The following SMOC2 variants were observed in gnomAD, a reference collection of about 807,000 sequenced individuals.
SMOC2 encodes SPARC-related modular calcium-binding protein 2.
In SMOC2, 39 loss-of-function variants were observed where a neutral mutation model predicts 61.4. The observed-to-expected ratio is 0.64, with a 90% CI of 0.49 to 0.83. The LOEUF (loss-of-function observed/expected upper bound fraction) is 0.83, where lower values mean the gene tolerates loss of function less well. Ranked by LOEUF, SMOC2 falls within the 40% of genes least tolerant of loss-of-function variation. The probability of loss-of-function intolerance (pLI) is 0.00; values close to 1 mark genes in which losing one functional copy is unlikely to be tolerated. For missense variants in SMOC2, 556 were observed against 592.9 expected (o/e 0.94, Z 0.65); for synonymous variants, 247 against 239.9 (o/e 1.03, Z -0.27).
intron 1 of SMOC2, among the ~76,000 whole-genome samples, chr6:168,469,660 C>A (rs1781926304): frequency 6.6e-6 from 1 of 152,198 alleles, no homozygotes; most frequent in East Asian, 1.9e-4. Context: ...CTGCTCGGAG[C>A]CGATGACATT....
intron 7 of SMOC2, among the ~76,000 whole-genome samples, chr6:168,566,953 G>A (rs1030271911): frequency 6.6e-6 from 1 of 152,132 alleles, no homozygotes; most frequent in South Asian, 2.1e-4. Flanking sequence ...TAGGAGACAG[G>A]CCCGCTATCC....
At chr6:168,468,200 C>T (rs1185078055) in intron 1 of SMOC2, among the ~76,000 whole-genome samples, 2 of 152,168 alleles carry the variant, frequency 1.3e-5, no homozygotes, top group Non-Finnish European at 2.9e-5. Flanking sequence ...CTGCTGTGCA[C>T]ACATGGATTT....
chr6:168,585,692 T>C (rs558321028), intron 7 of SMOC2, among the ~76,000 whole-genome samples: 1 of 152,358 alleles, frequency 6.6e-6, no homozygotes, highest in African/African-American at 2.4e-5. Context: ...GTTTGGGTTG[T>C]TCTAGCAGGC....
At chr6:168,660,877 T>C (rs963340204) in intron 11 of SMOC2, among the ~76,000 whole-genome samples, 1 of 152,226 alleles carries the variant, frequency 6.6e-6, no homozygotes, top group African/African-American at 2.4e-5. Context: ...GCCATTGTCT[T>C]AGGTGAAAAG....
rs202125133 is a variant in SMOC2 at position 168,543,692 on chromosome 6, T to A, written c.511+20T>A. ...AAACAGGTAACTATCTTAGAATAAA[T>A]GTCTATGACGATATGTAACATCTAA... On this transcript the variant is annotated intron_variant, in intron 5 of 12. Coordinates refer to ENST00000356284, the MANE Select transcript of SMOC2 (RefSeq NM_001166412.2). 4.4e-6 allele frequency: 7 copies of A among 1,607,496 alleles called. No individual in the cohort carries two copies. Among genetic ancestry groups the A allele is most frequent in the East Asian group, 4.5e-5 (2 of 44,842 alleles).
chr6:168,570,985 GC>G (rs1562354938), intron 7 of SMOC2, among the ~76,000 whole-genome samples: 2 of 152,142 alleles, frequency 1.3e-5, no homozygotes, highest in Non-Finnish European at 2.9e-5. Context: ...ATGGAGCGTA[GC>G]TGTCTGAGCA....
chr6:168,636,853 T>A (rs1394310182), intron 9 of SMOC2, among the ~76,000 whole-genome samples: 1 of 118,474 alleles, frequency 8.4e-6, no homozygotes, highest in East Asian at 3.5e-4. Flanking sequence ...GCCTCCTGCC[T>A]CCCTCCTCCC....
Position 168,612,192 on chromosome 6 carries a change from C to T in SMOC2, c.907+3953C>T, listed in dbSNP as rs370979280. Reference sequence around the variant, plus strand: ...GTGACCCCAGCCTTTACCTGAAGAGCAGTGCTGGGTTCGTGATCTCCATCG... The same window carrying T: ...GTGACCCCAGCCTTTACCTGAAGAGTAGTGCTGGGTTCGTGATCTCCATCG... On this transcript the variant is annotated intron_variant, in intron 9 of 12. Coordinates refer to ENST00000356284, the MANE Select transcript of SMOC2 (RefSeq NM_001166412.2). 1.0e-4 allele frequency among the ~76,000 whole-genome samples: 14 copies of T among 136,986 alleles called. No homozygotes were observed. The East Asian group carries it at 1.6e-3, about 15-fold the overall frequency. 89.9% of individuals were successfully genotyped at this position (136,986 alleles called of 152,430 possible).
chr6:168,496,501 G>A (rs1474165558), intron 1 of SMOC2, among the ~76,000 whole-genome samples: 1 of 152,238 alleles, frequency 6.6e-6, no homozygotes, highest in South Asian at 2.1e-4. Flanking sequence ...GACTGTCCAA[G>A]CCTGGGGGAA....
chr6:168,483,892 A>C (rs1414952265), intron 1 of SMOC2, among the ~76,000 whole-genome samples: 1 of 152,168 alleles, frequency 6.6e-6, no homozygotes, highest in Non-Finnish European at 1.5e-5. Context: ...ATCTATATGC[A>C]AAAGAATGAT....
intron 7 of SMOC2, among the ~76,000 whole-genome samples, chr6:168,596,783 T>C (rs1785345751): frequency 6.6e-6 from 1 of 152,292 alleles, no homozygotes; most frequent in African/African-American, 2.4e-5. Context: ...TCGTTATCGT[T>C]GAGGCAAAAG....
chr6:168,641,225 G>T (rs772321511), intron 9 of SMOC2, among the ~76,000 whole-genome samples: 7 of 152,066 alleles, frequency 4.6e-5, no homozygotes, highest in Non-Finnish European at 8.8e-5. Context: ...AGTGTGCCCT[G>T]AAATGCTCGC....
chr6:168,599,234 TCTCA>T (rs1204335773), intron 8 of SMOC2, among the ~76,000 whole-genome samples: 11 of 80,250 alleles, frequency 1.4e-4, no homozygotes, highest in East Asian at 5.3e-4. Flanking sequence ...CCATGGTCTC[TCTCA>T]CACACACCCA....
At chr6:168,647,794 C>T (rs937736993) in intron 9 of SMOC2, among the ~76,000 whole-genome samples, 15 of 152,006 alleles carry the variant, frequency 9.9e-5, no homozygotes, top group South Asian at 4.2e-4. Flanking sequence ...CTTTTTTCTT[C>T]AGAAGTAGTT....
chr6:168,664,964 G>T, intron 12 of SMOC2: 1 of 367,760 alleles, frequency 2.7e-6, no homozygotes, highest in Non-Finnish European at 5.5e-6. Flanking sequence ...GGATTTAAGT[G>T]GAGGCGGCCA....
chr6:168,552,819 AC>A (rs531587799), intron 7 of SMOC2, among the ~76,000 whole-genome samples: 20 of 92,562 alleles, frequency 2.2e-4, no homozygotes, highest in African/African-American at 4.1e-4. Context: ...ATTGGCAAAG[AC>A]CCCCCCACCC....
intron 1 of SMOC2, among the ~76,000 whole-genome samples, chr6:168,492,096 C>G (rs1316289213): frequency 6.6e-6 from 1 of 152,066 alleles, no homozygotes; most frequent in Non-Finnish European, 1.5e-5. Flanking sequence ...TAATGTCTCC[C>G]CAATTTTTTA....
chr6:168,648,706 C>A (rs1350004653), intron 9 of SMOC2, among the ~76,000 whole-genome samples: 1 of 152,168 alleles, frequency 6.6e-6, no homozygotes, highest in East Asian at 1.9e-4. Context: ...TAACACAGAC[C>A]TTTTTGCACT....
chr6:168,524,663 A>G (rs1783412466), intron 2 of SMOC2, among the ~76,000 whole-genome samples: 2 of 152,270 alleles, frequency 1.3e-5, no homozygotes, highest in South Asian at 4.1e-4. Flanking sequence ...AAACGAGGAC[A>G]GAAGTCCAGC....
Sources: allele counts gnomAD v4.1 joint callset (sites outside exome capture counted in the v4.1 genomes callset), GRCh38; gene constraint gnomAD v4.1.1; transcripts MANE v1.5; gene names NCBI Gene and HGNC (gene_info 2026-07-23, HGNC 2026-07-21).